Variants in SLC35F3 observed in about 807,000 individuals in gnomAD.
SLC35F3 encodes putative thiamine transporter SLC35F3.
SLC35F3 carries 25 observed loss-of-function variants against 49.9 expected under a neutral mutation model. The observed-to-expected ratio is 0.50, with a 90% CI of 0.37 to 0.70. The LOEUF is 0.70. Ranked by LOEUF, SLC35F3 falls within the 30% of genes least tolerant of loss-of-function variation. The pLI, the probability that SLC35F3 is intolerant of heterozygous loss-of-function variation, is 0.00. For synonymous variants in SLC35F3, 275 were observed against 265.4 expected, an observed-to-expected ratio of 1.04 and a Z score of -0.35; for missense variants, 525 against 639.8, an observed-to-expected ratio of 0.82 and a Z score of 1.94.
intron 2 of SLC35F3, among the ~76,000 whole-genome samples, chr1:234,033,413 G>A (rs1043871363): frequency 6.6e-6 from 1 of 152,106 alleles, no homozygotes; most frequent in Non-Finnish European, 1.5e-5. Flanking sequence ...GGGATTCCTG[G>A]TAATGAATTC....
chr1:234,202,168 A>G (rs1381406756), intron 2 of SLC35F3, among the ~76,000 whole-genome samples: 1 of 152,232 alleles, frequency 6.6e-6, no homozygotes, highest in Non-Finnish European at 1.5e-5. Context: ...ACCAAACACC[A>G]CATGTTTCAC....
intron 2 of SLC35F3, among the ~76,000 whole-genome samples, chr1:234,156,321 G>A (rs1283340135): frequency 6.6e-6 from 1 of 152,166 alleles, no homozygotes; most frequent in Non-Finnish European, 1.5e-5. Flanking sequence ...GACCTCTCTG[G>A]AAGATAATTC....
At chr1:233,951,679 T>A (rs1662610155) in intron 2 of SLC35F3, among the ~76,000 whole-genome samples, 1 of 152,010 alleles carries the variant, frequency 6.6e-6, no homozygotes, top group Non-Finnish European at 1.5e-5. Context: ...CCTGGGATAT[T>A]TTGTAACCTT....
At chr1:234,013,047 C>T (rs945616603) in intron 2 of SLC35F3, among the ~76,000 whole-genome samples, 7 of 152,176 alleles carry the variant, frequency 4.6e-5, no homozygotes, top group African/African-American at 1.7e-4. Flanking sequence ...TTCTCAAGCA[C>T]ACATGAAACA....
At chr1:234,094,185 A>G (rs1285168179) in intron 2 of SLC35F3, among the ~76,000 whole-genome samples, 2 of 152,214 alleles carry the variant, frequency 1.3e-5, no homozygotes, top group African/African-American at 4.8e-5. Flanking sequence ...TCTTTCCACC[A>G]GTAACTTCAA....
At chr1:234,162,912 G>T (rs369081173) in intron 2 of SLC35F3, among the ~76,000 whole-genome samples, 3 of 152,164 alleles carry the variant, frequency 2.0e-5, no homozygotes, top group African/African-American at 7.2e-5. Context: ...AATTCATAGA[G>T]AGGGTACCCA....
intron 2 of SLC35F3, among the ~76,000 whole-genome samples, chr1:234,112,988 C>T (rs183123009): frequency 1.3e-5 from 2 of 151,706 alleles, no homozygotes; most frequent in Admixed American, 1.3e-4. Flanking sequence ...AAAGATCGCT[C>T]AAGCCCAGTA....
intron 2 of SLC35F3, among the ~76,000 whole-genome samples, chr1:233,980,588 C>T (rs768087047): frequency 9.9e-5 from 15 of 152,098 alleles, no homozygotes; most frequent in Admixed American, 4.6e-4. Flanking sequence ...AGGCAAGGTG[C>T]GTGACTAAAG....
Position 234,290,042 on chromosome 1 carries a change from T to A in SLC35F3, c.609-19059T>A, listed in dbSNP as rs574446685. Among the ~76,000 whole-genome samples the A allele has an allele frequency of 2.6e-5, 4 of 152,308 alleles. No individual in the cohort carries two copies. In the East Asian group the frequency reaches 7.7e-4, roughly 29 times the overall value. ...TAAGCACTCCAGAAGGAAAAAATAG[T>A]TATAATTTTTTAATGATGAGTTAAG... On this transcript the variant is annotated intron_variant, in intron 3 of 7. Transcript: ENST00000366618.
chr1:234,198,421 A>G (rs1008494387), intron 2 of SLC35F3, among the ~76,000 whole-genome samples: 4 of 152,222 alleles, frequency 2.6e-5, no homozygotes, highest in Non-Finnish European at 4.4e-5. Flanking sequence ...TATACCTAGA[A>G]GTGGAATTGC....
intron 2 of SLC35F3, among the ~76,000 whole-genome samples, chr1:234,128,323 G>A (rs773290215): frequency 9.2e-5 from 14 of 152,184 alleles, no homozygotes; most frequent in African/African-American, 2.4e-4. Context: ...ATCACCTGGC[G>A]AAGGACAATA....
chr1:234,069,134 A>G (rs1162898851), intron 2 of SLC35F3, among the ~76,000 whole-genome samples: 2 of 133,618 alleles, frequency 1.5e-5, no homozygotes, highest in Non-Finnish European at 1.5e-5. Context: ...TATAAAATAT[A>G]TAATATATAA....
chr1:234,207,907 G>T (rs1666997412), intron 2 of SLC35F3, among the ~76,000 whole-genome samples: 1 of 152,172 alleles, frequency 6.6e-6, no homozygotes, highest in Non-Finnish European at 1.5e-5. Flanking sequence ...TGCTCAGGAG[G>T]CTTAGGTGGA....
At chr1:234,209,171 T>C (rs1480239485) in intron 2 of SLC35F3, among the ~76,000 whole-genome samples, 3 of 152,210 alleles carry the variant, frequency 2.0e-5, no homozygotes, top group Non-Finnish European at 4.4e-5. Context: ...TTTGTCTGGA[T>C]ATTATTTATA....
intron 2 of SLC35F3, among the ~76,000 whole-genome samples, chr1:234,165,098 T>C (rs1373015696): frequency 6.6e-6 from 1 of 151,414 alleles, no homozygotes; most frequent in Non-Finnish European, 1.5e-5. Flanking sequence ...AATAAAACTT[T>C]ATTTGCAAAA....
At chr1:234,277,101 A>C (rs181112872) in intron 3 of SLC35F3, among the ~76,000 whole-genome samples, 1 of 152,352 alleles carries the variant, frequency 6.6e-6, no homozygotes, top group Admixed American at 6.5e-5. Context: ...CACAGGGATG[A>C]TGGTGCCCTT....
At position 233,972,706 on chromosome 1, in the gene SLC35F3, C is replaced by T. The variant is rs76599976; in HGVS notation, c.283+66948C>T. Among the ~76,000 whole-genome samples, 1,221 of 152,280 alleles carry T rather than the reference C, an allele frequency of 8.0e-3. 11 individuals carry two copies. The highest frequency in any genetic ancestry group is 0.028 in the African/African-American group (1,174 of 41,552). Reference sequence around the variant, plus strand: ...TCAGAGGAGAGGTCAAGATGGACAACGAAGGCCTTTTTCTCATTTCTCTGT... The same window carrying T: ...TCAGAGGAGAGGTCAAGATGGACAATGAAGGCCTTTTTCTCATTTCTCTGT... On this transcript the variant is annotated intron_variant, in intron 2 of 7. Coordinates refer to ENST00000366618, the MANE Select transcript of SLC35F3 (RefSeq NM_173508.4).
intron 3 of SLC35F3, among the ~76,000 whole-genome samples, chr1:234,289,005 T>C (rs10157061): frequency 0.43 from 65,630 of 152,024 alleles, 14,774 homozygotes; most frequent in Non-Finnish European, 0.5. Flanking sequence ...ATAATAAGCA[T>C]CACACTCACA....
At chr1:233,978,061 C>A (rs537472972) in intron 2 of SLC35F3, among the ~76,000 whole-genome samples, 2 of 152,320 alleles carry the variant, frequency 1.3e-5, no homozygotes, top group East Asian at 3.9e-4. Flanking sequence ...TAAAGTATTT[C>A]TGCAGGTTGC....
Sources: allele counts gnomAD v4.1 joint callset (sites outside exome capture counted in the v4.1 genomes callset), GRCh38; gene constraint gnomAD v4.1.1; transcripts MANE v1.5; gene names NCBI Gene and HGNC (gene_info 2026-07-23, HGNC 2026-07-21).